Variants in PPP2R2B observed in about 807,000 individuals in gnomAD.
The protein encoded by PPP2R2B is serine/threonine-protein phosphatase 2A 55 kDa regulatory subunit B beta isoform.
In PPP2R2B, 5 loss-of-function variants were observed where a neutral mutation model predicts 46.0. The ratio of observed to expected loss-of-function variants is 0.11; its 90% CI spans 0.06 to 0.23. The LOEUF (loss-of-function observed/expected upper bound fraction) is 0.23. PPP2R2B is among the 10% of genes least tolerant of loss of function. The probability of loss-of-function intolerance (pLI) is 1.00; values close to 1 mark genes in which losing one functional copy is unlikely to be tolerated. For synonymous variants in PPP2R2B, 215 were observed against 206.7 expected (o/e 1.04, Z -0.34); for missense variants, 367 against 575.0 (o/e 0.64, Z 3.70).
intron 2 of PPP2R2B, among the ~76,000 whole-genome samples, chr5:146,872,670 T>C (rs1761682593): frequency 6.6e-6 from 1 of 152,182 alleles, no homozygotes; most frequent in African/African-American, 2.4e-5. Context: ...CACTCAGATC[T>C]CAAACCTGGA....
In PPP2R2B at chr5:146,906,574, G is replaced by A. The variant is rs1273701580; in HGVS notation, c.79+149091C>T. 2.0e-5 allele frequency among the ~76,000 whole-genome samples: 3 copies of A among 152,192 alleles called. No homozygotes were observed. In the South Asian group the frequency reaches 6.2e-4, roughly 32 times the overall value. On this transcript the variant is annotated intron_variant, in intron 1 of 8. Transcript: ENST00000336640. ...CGATCTCAGGTGATCCGCCTGCCTC[G>A]GCCTCCCAAAGTGCTGGGATTACAG...
At chr5:146,748,983 T>A (rs546947007) in intron 2 of PPP2R2B, among the ~76,000 whole-genome samples, 1 of 152,350 alleles carries the variant, frequency 6.6e-6, no homozygotes, top group South Asian at 2.1e-4. Flanking sequence ...CAAGTTGTTT[T>A]CCAGAATTTT....
In PPP2R2B at chr5:146,896,026, G is replaced by A. The variant is rs187208791; in HGVS notation, c.79+159639C>T. Among the ~76,000 whole-genome samples the A allele has an allele frequency of 4.6e-5, 7 of 152,206 alleles. No individual in the cohort carries two copies. In the East Asian group the frequency reaches 1.4e-3, roughly 29 times the overall value. ...CATCGGGCTAAATAATATTGTCTGA[G>A]TGGTCGCCTGGCTCTGTTTGACCTT... On this transcript the variant is annotated intron_variant, in intron 1 of 8. Transcript: ENST00000336640.
At chr5:146,994,105 G>A (rs1753821961) in intron 1 of PPP2R2B, among the ~76,000 whole-genome samples, 1 of 152,288 alleles carries the variant, frequency 6.6e-6, no homozygotes, top group Non-Finnish European at 1.5e-5. Context: ...ACTCGGCTGT[G>A]TCCCAGCTGG....
intron 1 of PPP2R2B, among the ~76,000 whole-genome samples, chr5:146,955,647 CA>C (rs1379064170): frequency 6.6e-5 from 10 of 152,006 alleles, no homozygotes; most frequent in African/African-American, 1.9e-4. Context: ...AGAACTGGAA[CA>C]AAGGGGCTTG....
chr5:146,917,111 T>C (rs1189378536), intron 1 of PPP2R2B, among the ~76,000 whole-genome samples: 1 of 152,236 alleles, frequency 6.6e-6, no homozygotes, highest in Non-Finnish European at 1.5e-5. Context: ...AAAAGGTGGC[T>C]GGGCAGAAAA....
chr5:146,850,323 A>C (rs170333), intron 2 of PPP2R2B, among the ~76,000 whole-genome samples: 10,678 of 152,224 alleles, frequency 0.07, 796 homozygotes, highest in African/African-American at 0.18. Context: ...CTGCAGCCAG[A>C]ATAGTATTTT....
chr5:146,763,528 A>G (rs1713445140), intron 2 of PPP2R2B, among the ~76,000 whole-genome samples: 1 of 152,220 alleles, frequency 6.6e-6, no homozygotes, highest in African/African-American at 2.4e-5. Context: ...TGCTCAATAA[A>G]TGGTAGCTTA....
chr5:147,006,437 T>C (rs1013232374), intron 1 of PPP2R2B, among the ~76,000 whole-genome samples: 3 of 152,174 alleles, frequency 2.0e-5, no homozygotes, highest in Non-Finnish European at 4.4e-5. Flanking sequence ...GTAACATGTA[T>C]TATCCTAACT....
intron 7 of PPP2R2B, among the ~76,000 whole-genome samples, chr5:146,637,235 G>A (rs889529807): frequency 6.6e-6 from 1 of 152,124 alleles, no homozygotes; most frequent in African/African-American, 2.4e-5. Flanking sequence ...CAGTATCTGT[G>A]ACTGAATGAA....
intron 2 of PPP2R2B, among the ~76,000 whole-genome samples, chr5:147,079,364 T>C (rs1757897722): frequency 6.8e-6 from 1 of 147,758 alleles, no homozygotes; most frequent in African/African-American, 2.5e-5. Flanking sequence ...GTGATATATA[T>C]ATATATATAA....
intron 4 of PPP2R2B, among the ~76,000 whole-genome samples, chr5:146,694,823 A>G (rs890283124): frequency 6.6e-6 from 1 of 152,084 alleles, no homozygotes; most frequent in Non-Finnish European, 1.5e-5. Flanking sequence ...TTATGTATAC[A>G]ATTATGTAAC....
At chr5:146,913,608 T>C (rs1302774365) in intron 1 of PPP2R2B, among the ~76,000 whole-genome samples, 1 of 152,142 alleles carries the variant, frequency 6.6e-6, no homozygotes, top group East Asian at 1.9e-4. Flanking sequence ...GATCTCCACT[T>C]TGCCTTTAGC....
chr5:147,031,874 T>A (rs1755803181), intron 1 of PPP2R2B, among the ~76,000 whole-genome samples: 1 of 152,146 alleles, frequency 6.6e-6, no homozygotes, highest in African/African-American at 2.4e-5. Flanking sequence ...TTCTCAACTC[T>A]CACCTTATTC....
At chr5:146,764,411 A>G (rs983279060) in intron 2 of PPP2R2B, among the ~76,000 whole-genome samples, 2 of 152,162 alleles carry the variant, frequency 1.3e-5, no homozygotes, top group African/African-American at 2.4e-5. Context: ...CTATTTCTTC[A>G]TTCCTTTCCA....
intron 7 of PPP2R2B, among the ~76,000 whole-genome samples, chr5:146,619,283 G>T (rs1270404964): frequency 6.9e-6 from 1 of 144,706 alleles, no homozygotes; most frequent in Non-Finnish European, 1.5e-5. Flanking sequence ...TGGCCAACAA[G>T]GCAAAACCCC....
At chr5:146,804,091 C>G (rs1031829380) in intron 2 of PPP2R2B, among the ~76,000 whole-genome samples, 1 of 151,704 alleles carries the variant, frequency 6.6e-6, no homozygotes, top group South Asian at 2.1e-4. Context: ...CGCTTGAACC[C>G]GGGAGGTGGA....
At chr5:147,060,696 C>A (rs942463465), upstream of PPP2R2B, among the ~76,000 whole-genome samples, 14 of 152,084 alleles carry the variant, frequency 9.2e-5, no homozygotes, top group African/African-American at 3.1e-4. Context: ...CTCTCTTCTT[C>A]GGGTATAATA....
chr5:146,653,378 G>A (rs559624764), intron 5 of PPP2R2B, among the ~76,000 whole-genome samples: 20 of 152,278 alleles, frequency 1.3e-4, no homozygotes, highest in African/African-American at 4.8e-4. Flanking sequence ...ACCTCAATTA[G>A]GTGTTGTAGG....
Sources: allele counts gnomAD v4.1 joint callset (sites outside exome capture counted in the v4.1 genomes callset), GRCh38; gene constraint gnomAD v4.1.1; transcripts MANE v1.5; gene names NCBI Gene and HGNC (gene_info 2026-07-23, HGNC 2026-07-21).